The following HK2 variants were observed in gnomAD, a reference collection of about 807,000 sequenced individuals.
HK2 encodes hexokinase 2.
HK2 carries 42 observed loss-of-function variants against 92.9 expected under a neutral mutation model. The ratio of observed to expected loss-of-function variants is 0.45; its 90% confidence interval spans 0.35 to 0.58. The LOEUF is 0.58. Ranked by LOEUF, HK2 falls within the 20% of genes least tolerant of loss-of-function variation. The pLI, the probability that HK2 is intolerant of heterozygous loss-of-function variation, is 0.00. For missense variants in HK2, 978 were observed against 1,245.1 expected (o/e 0.79, Z 3.23); for synonymous variants, 422 against 468.0 (o/e 0.90, Z 1.27).
chr2:74,873,936 C>T lies in HK2; in HGVS notation c.684C>T (p.Leu228=), dbSNP rs747917476. The T allele has an allele frequency of 1.2e-6, 2 of 1,612,010 alleles. No homozygotes were observed. Among genetic ancestry groups the T allele is most frequent in the East Asian group, 2.2e-5 (1 of 44,868 alleles). ...ATGACCACAACTGTGAGATTGGTCT[C>T]ATTGTGGGTGAGTGAACACCGTGCA... ...GYDDHNCEIG[L]IVGTGSNACY... is the part of the protein sequence containing the mutation. The change falls in exon 6 of 18, where the codon CTC becomes CTT. Residue 228 remains leucine, a synonymous_variant. Coordinates refer to ENST00000290573, the MANE Select transcript of HK2 (RefSeq NM_000189.5).
chr2:74,844,078 C>A (rs1688379548), intron 1 of HK2, among the ~76,000 whole-genome samples: 1 of 152,226 alleles, frequency 6.6e-6, no homozygotes, highest in African/African-American at 2.4e-5. Context: ...GCCCTTAACC[C>A]CCAGCACAAA....
At chr2:74,837,758 C>T (rs1274240413) in intron 1 of HK2, among the ~76,000 whole-genome samples, 1 of 150,788 alleles carries the variant, frequency 6.6e-6, no homozygotes, top group East Asian at 2.0e-4. Flanking sequence ...TTAGTGCAAC[C>T]TCTGCCTCCC....
At chr2:74,862,676 C>G (rs1688857605) in intron 2 of HK2, among the ~76,000 whole-genome samples, 1 of 152,188 alleles carries the variant, frequency 6.6e-6, no homozygotes, top group Non-Finnish European at 1.5e-5. Flanking sequence ...AATTGGGGTA[C>G]TTACGTAGTC....
chr2:74,839,143 A>G (rs1163696820), intron 1 of HK2, among the ~76,000 whole-genome samples: 1 of 152,148 alleles, frequency 6.6e-6, no homozygotes, highest in Non-Finnish European at 1.5e-5. Context: ...CAAGAATTTT[A>G]ATGTTTTTTT....
intron 2 of HK2, among the ~76,000 whole-genome samples, chr2:74,861,080 C>T (rs1245532795): frequency 6.6e-6 from 1 of 152,188 alleles, no homozygotes; most frequent in African/African-American, 2.4e-5. Flanking sequence ...CCCCACCACA[C>T]ACATAGGGGC....
chr2:74,859,035 G>A (rs3771778), intron 2 of HK2, among the ~76,000 whole-genome samples: 6,386 of 152,264 alleles, frequency 0.042, 221 homozygotes, highest in East Asian at 0.19. Flanking sequence ...ACTGAATTTG[G>A]TGTCAGCCAG....
chr2:74,840,817 T>G (rs2103834842), intron 1 of HK2, among the ~76,000 whole-genome samples: 1 of 143,072 alleles, frequency 7.0e-6, no homozygotes, highest in East Asian at 2.1e-4. Context: ...AGGTGGAGCT[T>G]GCAGTGAGCT....
chr2:74,851,987 G>A (rs1438424072), intron 1 of HK2, among the ~76,000 whole-genome samples: 3 of 152,226 alleles, frequency 2.0e-5, no homozygotes, highest in South Asian at 2.1e-4. Context: ...GTGGACAAGA[G>A]CACAGACCAG....
At chr2:74,860,984 T>A (rs1395427654) in intron 2 of HK2, among the ~76,000 whole-genome samples, 1 of 152,178 alleles carries the variant, frequency 6.6e-6, no homozygotes, top group African/African-American at 2.4e-5. Flanking sequence ...AAACACACCA[T>A]CTTGACCTCT....
chr2:74,857,538 G>A (rs1688722872), intron 2 of HK2, among the ~76,000 whole-genome samples: 5 of 152,160 alleles, frequency 3.3e-5, no homozygotes, highest in African/African-American at 1.2e-4. Flanking sequence ...CTACTCAGGA[G>A]GCCGAGGCAG....
At chr2:74,847,387 A>C (rs1688467059) in intron 1 of HK2, among the ~76,000 whole-genome samples, 1 of 152,164 alleles carries the variant, frequency 6.6e-6, no homozygotes, top group Non-Finnish European at 1.5e-5. Context: ...ATTACTGAAA[A>C]ACTTGACAGG....
chr2:74,866,341 A>G (rs17010467), intron 2 of HK2, among the ~76,000 whole-genome samples: 28,387 of 152,182 alleles, frequency 0.19, 3,091 homozygotes, highest in Admixed American at 0.32. Context: ...GTTGACAAAC[A>G]TGCCAATAAG....
At chr2:74,852,766 T>G (rs1045243880) in intron 1 of HK2, among the ~76,000 whole-genome samples, 7 of 151,880 alleles carry the variant, frequency 4.6e-5, no homozygotes, top group Admixed American at 1.3e-4. Context: ...TGGGAAAAGT[T>G]CATGTGAATT....
intron 5 of HK2, among the ~76,000 whole-genome samples, chr2:74,873,597 T>C (rs192085099): frequency 0.014 from 2,110 of 152,314 alleles, 20 homozygotes; most frequent in Non-Finnish European, 0.019. Flanking sequence ...AAAAGCTCTT[T>C]AGTTCTTAAC....
intron 2 of HK2, among the ~76,000 whole-genome samples, chr2:74,856,807 C>T (rs1406276634): frequency 2.6e-5 from 4 of 152,176 alleles, no homozygotes; most frequent in South Asian, 4.1e-4. Flanking sequence ...GTTCAGGCAT[C>T]GGTACTGCAC....
rs1361857964 is a variant in HK2 at position 74,878,724 on chromosome 2, G to C, written c.1068G>C (p.Leu356=). Reference sequence around the variant, plus strand: ...GCATCCGGAAGGCCCGTGAGGTCCTGATGCGGTTGGGCCTGGACCCGACTC... The same window carrying C: ...GCATCCGGAAGGCCCGTGAGGTCCTCATGCGGTTGGGCCTGGACCCGACTC... ...KDGIRKAREV[L]MRLGLDPTQE... is the part of the protein sequence containing the mutation. The change falls in exon 9 of 18, where the codon CTG becomes CTC. Residue 356 remains leucine (L), a synonymous_variant. Transcript: ENST00000290573. 2 of 1,607,130 alleles carry C rather than the reference G, an allele frequency of 1.2e-6. No individual in the cohort carries two copies. Among genetic ancestry groups the C allele is most frequent in the Non-Finnish European group, 1.7e-6 (2 of 1,176,894 alleles).
At chr2:74,875,727 A>G (rs1279448318) in intron 7 of HK2, among the ~76,000 whole-genome samples, 1 of 152,224 alleles carries the variant, frequency 6.6e-6, no homozygotes, top group Non-Finnish European at 1.5e-5. Context: ...TCTGAGGATC[A>G]TACTGGTTGT....
intron 2 of HK2, among the ~76,000 whole-genome samples, chr2:74,856,375 AGT>A (rs1468165502): frequency 2.0e-5 from 3 of 152,046 alleles, no homozygotes; most frequent in Non-Finnish European, 1.5e-5. Flanking sequence ...TTGTTTCCTG[AGT>A]GTGTTTCTTG....
At chr2:74,855,461 C>G (rs1452904302) in intron 2 of HK2, among the ~76,000 whole-genome samples, 2 of 152,174 alleles carry the variant, frequency 1.3e-5, no homozygotes, top group East Asian at 1.9e-4. Context: ...TGGTCTATAT[C>G]TTTTGACCTC....
Sources: allele counts gnomAD v4.1 joint callset (sites outside exome capture counted in the v4.1 genomes callset), GRCh38; gene constraint gnomAD v4.1.1; transcripts MANE v1.5; gene names NCBI Gene and HGNC (gene_info 2026-07-23, HGNC 2026-07-21).